SPART: variants seen among roughly 807,000 people sequenced by gnomAD.
The protein encoded by SPART is spartin.
A neutral mutation model predicts 58.7 loss-of-function variants in SPART; 35 were observed. That is an observed-to-expected ratio of 0.60 (90% CI 0.46 to 0.79). SPART has a LOEUF of 0.79. Among genes scored for constraint, SPART ranks in the 30% least tolerant of loss-of-function variants. The probability of loss-of-function intolerance (pLI) is 0.00; values close to 1 mark genes in which losing one functional copy is unlikely to be tolerated. For missense variants in SPART, 730 were observed against 786.1 expected, an observed-to-expected ratio of 0.93 and a Z score of 0.85; for synonymous variants, 284 against 280.7, an observed-to-expected ratio of 1.01 and a Z score of -0.12.
intron 8 of SPART, among the ~76,000 whole-genome samples, chr13:36,305,310 C>T (rs931576992): frequency 2.0e-5 from 3 of 152,068 alleles, no homozygotes; most frequent in African/African-American, 7.2e-5. Flanking sequence ...TCCACATGCC[C>T]ACCTCCACCT....
intron 1 of SPART, 100 bp downstream of exon 1, chr13:36,346,125 A>G (rs1281827582): frequency 6.6e-6 from 1 of 152,118 alleles, no homozygotes; most frequent in Non-Finnish European, 1.5e-5. Flanking sequence ...TTGTCCCGTG[A>G]CCGTCGCCCG....
chr13:36,342,325 C>T (rs956566981), intron 1 of SPART, among the ~76,000 whole-genome samples: 2 of 151,914 alleles, frequency 1.3e-5, no homozygotes, highest in African/African-American at 2.4e-5. Flanking sequence ...TCTGAAAGAC[C>T]CTGGAATTAA....
At chr13:36,307,888 G>A (rs1293236697) in intron 8 of SPART, among the ~76,000 whole-genome samples, 6 of 152,048 alleles carry the variant, frequency 3.9e-5, no homozygotes, top group Admixed American at 3.9e-4. Flanking sequence ...TTATCCACCT[G>A]AAATCAGATA....
chr13:36,361,412 T>C (rs1885855806), intron 1 of SPART, among the ~76,000 whole-genome samples: 1 of 152,160 alleles, frequency 6.6e-6, no homozygotes, highest in Admixed American at 6.5e-5. Flanking sequence ...TTTTTGTTGT[T>C]GTTGTTTTTG....
chr13:36,341,681 A>G (rs1232853689), intron 1 of SPART, among the ~76,000 whole-genome samples: 1 of 152,232 alleles, frequency 6.6e-6, no homozygotes, highest in Non-Finnish European at 1.5e-5. Flanking sequence ...GAAAGCATTC[A>G]TTAAAATTGG....
intron 5 of SPART, among the ~76,000 whole-genome samples, chr13:36,324,013 G>A (rs1379671511): frequency 6.6e-6 from 1 of 152,142 alleles, no homozygotes; most frequent in Non-Finnish European, 1.5e-5. Context: ...TACTGCTTCC[G>A]GTAGCACCAT....
intron 3 of SPART, among the ~76,000 whole-genome samples, chr13:36,330,807 T>C (rs965289010): frequency 6.6e-6 from 1 of 152,210 alleles, no homozygotes; most frequent in African/African-American, 2.4e-5. Flanking sequence ...ATTTTCTTTT[T>C]ATTTTTTTAT....
At chr13:36,358,122 A>G (rs574467342) in intron 1 of SPART, among the ~76,000 whole-genome samples, 66 of 152,168 alleles carry the variant, frequency 4.3e-4, no homozygotes, top group African/African-American at 1.4e-3. Flanking sequence ...TATTCATAGA[A>G]AAAAAAAGAA....
At chr13:36,339,769 T>C (rs1238596136) in intron 1 of SPART, among the ~76,000 whole-genome samples, 1 of 151,842 alleles carries the variant, frequency 6.6e-6, no homozygotes, top group East Asian at 1.9e-4. Flanking sequence ...AATTTCCTAA[T>C]TTAAAAAGAC....
At chr13:36,329,222 G>GT in intron 4 of SPART, 140 bp downstream of exon 4, 5 of 870,910 alleles carry the variant, frequency 5.7e-6, no homozygotes, top group Non-Finnish European at 9.7e-6. Context: ...GATTCTAATT[G>GT]TTTTTGCCAG....
In SPART at chr13:36,329,449, G is replaced by T. The variant is rs1261654720; in HGVS notation, c.1077C>A (p.Asp359Glu). 4.3e-6 allele frequency: 7 copies of T among 1,614,102 alleles called. No individual in the cohort carries two copies. The highest frequency in any genetic ancestry group is 5.9e-6 in the Non-Finnish European group (7 of 1,179,984). ...CAGTGCCAGAGGCTTCTTTTAGTTG[G>T]TCAGAGGAGGGTCTAGTTCTTCCAG... is the stretch of plus-strand genomic sequence containing the variant. ...QIPGRTRPSS[D>E]QLKEASGTDV... Residue 359 changes from aspartate to glutamate, a missense_variant, in exon 4 of 9, where the codon GAC (aspartate) becomes GAA (glutamate). Transcript: ENST00000438666.
chr13:36,358,167 G>A (rs541609818), intron 1 of SPART, among the ~76,000 whole-genome samples: 15 of 152,046 alleles, frequency 9.9e-5, no homozygotes, highest in South Asian at 8.3e-4. Flanking sequence ...GCAAAAATAC[G>A]CCAACATTTA....
intron 3 of SPART, 56 bp downstream of exon 3, chr13:36,331,343 G>T: frequency 6.9e-7 from 1 of 1,440,956 alleles, no homozygotes; most frequent in Non-Finnish European, 9.8e-7. Context: ...TCTAAAAGCT[G>T]AAGTGCTTAT....
upstream of SPART, among the ~76,000 whole-genome samples, chr13:36,349,971 CT>C (rs1278123854): frequency 6.6e-6 from 1 of 152,184 alleles, no homozygotes; most frequent in Admixed American, 6.5e-5. Context: ...GCCATTCAAA[CT>C]GTGAAAGCTG....
At chr13:36,367,918 A>G (rs1886129477) in intron 1 of SPART, among the ~76,000 whole-genome samples, 1 of 152,250 alleles carries the variant, frequency 6.6e-6, no homozygotes, top group African/African-American at 2.4e-5. Flanking sequence ...ATATATTCTC[A>G]GGATACGACG....
At chr13:36,326,491 CAG>C in intron 5 of SPART, 82 bp downstream of exon 5, 1 of 1,523,302 alleles carries the variant, frequency 6.6e-7, no homozygotes. Flanking sequence ...TTATCTTTCT[CAG>C]TATTCCCTAA....
Position 36,304,182 on chromosome 13 carries a change from G to T in SPART, c.*183C>A. Reference sequence around the variant, plus strand: ...TAACTTCACATTTCTAAGGCCAGATGCAAGAATACTTATTCTTTTCCTTTT... The same window carrying T: ...TAACTTCACATTTCTAAGGCCAGATTCAAGAATACTTATTCTTTTCCTTTT... On this transcript the variant is annotated 3_prime_UTR_variant, in exon 9 of 9. Coordinates refer to ENST00000438666, the MANE Select transcript of SPART (RefSeq NM_015087.5). 1.5e-6 allele frequency: 1 copy of T among 683,382 alleles called. No homozygotes were observed. The highest frequency in any genetic ancestry group is 2.5e-6 in the Non-Finnish European group (1 of 407,458). The allele number at this position is 683,382 out of a possible 1,614,324, so 42.3% of individuals were successfully genotyped here. A position where few individuals can be genotyped will look rare whatever the true frequency, so the allele number is the denominator to read the frequency against.
At chr13:36,367,377 C>G (rs1886100154) in intron 1 of SPART, among the ~76,000 whole-genome samples, 1 of 152,072 alleles carries the variant, frequency 6.6e-6, no homozygotes, top group Non-Finnish European at 1.5e-5. Context: ...CCAGCTTTTT[C>G]GCAGTTTACG....
chr13:36,346,401 C>G (rs568919570), upstream of SPART: 1 of 152,306 alleles, frequency 6.6e-6, no homozygotes, highest in Non-Finnish European at 1.5e-5. Context: ...AGACGTTCCA[C>G]GACGCGCGCT....
Sources: allele counts gnomAD v4.1 joint callset (sites outside exome capture counted in the v4.1 genomes callset), GRCh38; gene constraint gnomAD v4.1.1; transcripts MANE v1.5; gene names NCBI Gene and HGNC (gene_info 2026-07-23, HGNC 2026-07-21).